Variants in ESR1 observed in about 807,000 individuals in gnomAD.
ESR1 encodes estrogen receptor.
In ESR1, 12 loss-of-function variants were observed where a neutral mutation model predicts 52.7. The observed-to-expected ratio is 0.23, with a 90% CI of 0.15 to 0.37. ESR1 has a LOEUF of 0.37. Among genes scored for constraint, ESR1 ranks in the 10% least tolerant of loss-of-function variants. The pLI, the probability that ESR1 is intolerant of heterozygous loss-of-function variation, is 1.00. For missense variants in ESR1, 584 were observed against 779.7 expected (o/e 0.75, Z 2.99); for synonymous variants, 305 against 316.8 (o/e 0.96, Z 0.39).
intron 1 of ESR1, among the ~76,000 whole-genome samples, chr6:151,662,140 G>T (rs568006162): frequency 2.4e-4 from 37 of 152,238 alleles, no homozygotes; most frequent in African/African-American, 8.4e-4. Context: ...ACAGGAGGGC[G>T]CTCGAGAGAC....
chr6:151,881,307 A>C (rs1044766353), intron 3 of ESR1, among the ~76,000 whole-genome samples: 1 of 152,218 alleles, frequency 6.6e-6, no homozygotes, highest in Admixed American at 6.5e-5. Context: ...AGTGTCTAGC[A>C]TGGTGCTGGC....
chr6:151,929,070 A>G (rs74360520), intron 3 of ESR1, among the ~76,000 whole-genome samples: 3,213 of 152,258 alleles, frequency 0.021, 103 homozygotes, highest in African/African-American at 0.072. Context: ...TAATTAGACC[A>G]TGTTGATTCA....
chr6:151,913,917 A>T (rs899425377), intron 3 of ESR1, among the ~76,000 whole-genome samples: 1 of 152,106 alleles, frequency 6.6e-6, no homozygotes, highest in African/African-American at 2.4e-5. Flanking sequence ...TAGAAATTTT[A>T]AAAAATTATT....
chr6:151,684,831 C>T (rs569344945), intron 1 of ESR1, among the ~76,000 whole-genome samples: 39 of 152,334 alleles, frequency 2.6e-4, no homozygotes, highest in Admixed American at 7.2e-4. Flanking sequence ...GCTGCGGCTG[C>T]TGGTGCCAAT....
chr6:151,783,728 TTTA>T (rs1786763139), intron 2 of ESR1, among the ~76,000 whole-genome samples: 1 of 152,268 alleles, frequency 6.6e-6, no homozygotes, highest in East Asian at 1.9e-4. Context: ...ATACTGTTAT[TTTA>T]TTATTAACTT....
At chr6:151,879,707 G>A (rs900116497) in intron 2 of ESR1, among the ~76,000 whole-genome samples, 3 of 152,128 alleles carry the variant, frequency 2.0e-5, no homozygotes, top group Admixed American at 6.5e-5. Context: ...TCTTAGAATC[G>A]TTGGATGTGG....
chr6:151,687,628 A>G (rs907220099), upstream of ESR1, among the ~76,000 whole-genome samples: 6 of 152,168 alleles, frequency 3.9e-5, no homozygotes, highest in Admixed American at 3.3e-4. Context: ...TGCTTGAACA[A>G]CCCAGACAGA....
intron 6 of ESR1, among the ~76,000 whole-genome samples, chr6:152,111,295 A>T (rs1229431399): frequency 6.6e-6 from 1 of 152,184 alleles, no homozygotes; most frequent in African/African-American, 2.4e-5. Flanking sequence ...TAAAAAAGTG[A>T]TTTCGAAAGT....
chr6:151,830,366 T>C (rs1782202158), intron 1 of ESR1, among the ~76,000 whole-genome samples: 1 of 152,202 alleles, frequency 6.6e-6, no homozygotes, highest in Non-Finnish European at 1.5e-5. Context: ...CACTCAATGC[T>C]GTTGAATAAA....
chr6:151,772,098 AT>A (rs1785568191), intron 2 of ESR1, among the ~76,000 whole-genome samples: 3 of 152,338 alleles, frequency 2.0e-5, no homozygotes, highest in Admixed American at 1.3e-4. Flanking sequence ...GCAAGGCTTT[AT>A]GGTAAAGCAA....
chr6:152,041,455 T>C (rs565158890), intron 5 of ESR1, among the ~76,000 whole-genome samples: 10 of 152,314 alleles, frequency 6.6e-5, no homozygotes, highest in African/African-American at 2.2e-4. Context: ...TTCTTAGTTG[T>C]AGGAGGGGCC....
intron 3 of ESR1, among the ~76,000 whole-genome samples, chr6:151,898,384 A>ATTTTTTTTTTTTTTTTTTTTCTT (rs371510396): frequency 3.0e-5 from 3 of 101,212 alleles, no homozygotes; most frequent in African/African-American, 7.1e-5. Flanking sequence ...GGTTTTGTTC[A>ATTTTTTTTTTTTTTTTTTTTCTT]TTTTTTTTTT....
At chr6:151,939,585 G>T (rs912931361) in intron 3 of ESR1, among the ~76,000 whole-genome samples, 3 of 151,724 alleles carry the variant, frequency 2.0e-5, no homozygotes, top group Non-Finnish European at 4.4e-5. Flanking sequence ...AATAGAAGTC[G>T]CATCCTTTTT....
chr6:151,697,897 G>A (rs982184594), intron 1 of ESR1, among the ~76,000 whole-genome samples: 3 of 152,072 alleles, frequency 2.0e-5, no homozygotes, highest in Non-Finnish European at 2.9e-5. Context: ...TCAGGCATTC[G>A]AGACCAGCCT....
chr6:151,734,883 A>G (rs1462987355), intron 2 of ESR1, among the ~76,000 whole-genome samples: 2 of 152,102 alleles, frequency 1.3e-5, no homozygotes, highest in Non-Finnish European at 2.9e-5. Flanking sequence ...CGGCCTTCCA[A>G]AGTGCTGGCA....
At chr6:151,667,694 C>T (rs6913799) in intron 1 of ESR1, among the ~76,000 whole-genome samples, 22,277 of 152,090 alleles carry the variant, frequency 0.15, 2,269 homozygotes, top group East Asian at 0.36. Flanking sequence ...AGTCCCAGTC[C>T]TTGTTTGCAG....
At position 151,987,271 on chromosome 6, in the gene ESR1, T is replaced by C. The variant is rs79530745; in HGVS notation, c.1097-24385T>C. ...AAAGTCTTTTTTAAAATTATTCTTTTGTTTTGAGACAGAGTCTTGCTCTGT... is the reference window on the plus strand; with the variant it reads ...AAAGTCTTTTTTAAAATTATTCTTTCGTTTTGAGACAGAGTCTTGCTCTGT... On this transcript the variant is annotated intron_variant, in intron 4 of 7. Coordinates refer to ENST00000206249, the MANE Select transcript of ESR1 (RefSeq NM_000125.4). 2.0e-4 allele frequency among the ~76,000 whole-genome samples: 30 copies of C among 152,188 alleles called. No homozygotes were observed. In the East Asian group the frequency reaches 5.0e-3, roughly 26 times the overall value.
chr6:151,874,321 T>A (rs1250593571), intron 2 of ESR1, among the ~76,000 whole-genome samples: 1 of 152,166 alleles, frequency 6.6e-6, no homozygotes, highest in Non-Finnish European at 1.5e-5. Flanking sequence ...ATTTAAAAAA[T>A]TATAAAGCAA....
chr6:151,997,481 G>T (rs1169418393), intron 4 of ESR1, among the ~76,000 whole-genome samples: 1 of 152,094 alleles, frequency 6.6e-6, no homozygotes, highest in Non-Finnish European at 1.5e-5. Context: ...TGAGTCAGAA[G>T]ATACAAAGTA....
Sources: allele counts gnomAD v4.1 joint callset (sites outside exome capture counted in the v4.1 genomes callset), GRCh38; gene constraint gnomAD v4.1.1; transcripts MANE v1.5; gene names NCBI Gene and HGNC (gene_info 2026-07-23, HGNC 2026-07-21).